The following ATP2B1 variants were observed in gnomAD, a reference collection of about 807,000 sequenced individuals.
ATP2B1 encodes ATPase plasma membrane Ca2+ transporting 1, also known as plasma membrane calcium-transporting ATPase 1.
In ATP2B1, 14 loss-of-function variants were observed where a neutral mutation model predicts 124.2. That is an observed-to-expected ratio of 0.11 (90% CI 0.07 to 0.18). ATP2B1 has a LOEUF of 0.18. Ranked by LOEUF, ATP2B1 falls within the 10% of genes least tolerant of loss-of-function variation. The pLI is 1.00. For synonymous variants in ATP2B1, 449 were observed against 492.4 expected (o/e 0.91, Z 1.17); for missense variants, 763 against 1,466.1 (o/e 0.52, Z 7.83).
intron 12 of ATP2B1, chr12:89,611,813 T>A (rs532276926): frequency 6.5e-6 from 1 of 153,370 alleles, no homozygotes; most frequent in South Asian, 2.1e-4. Context: ...CCTATTCCCA[T>A]ACCTTCAATT....
chr12:89,690,450 T>C (rs1890437569), intron 1 of ATP2B1, among the ~76,000 whole-genome samples: 1 of 151,968 alleles, frequency 6.6e-6, no homozygotes, highest in African/African-American at 2.4e-5. Context: ...CAAATACTGT[T>C]GTTTATCAGA....
chr12:89,636,598 A>C (rs918084041), intron 3 of ATP2B1, among the ~76,000 whole-genome samples: 5 of 152,208 alleles, frequency 3.3e-5, no homozygotes, highest in Non-Finnish European at 7.3e-5. Context: ...ACTAGAAATG[A>C]CTAAAGCGTG....
chr12:89,691,994 T>C (rs1890607409), intron 1 of ATP2B1, among the ~76,000 whole-genome samples: 1 of 152,096 alleles, frequency 6.6e-6, no homozygotes, highest in South Asian at 2.1e-4. Context: ...GTGTTTCCTT[T>C]TCATGCATTA....
chr12:89,707,131 T>C (rs1438490996), intron 1 of ATP2B1, among the ~76,000 whole-genome samples: 1 of 152,028 alleles, frequency 6.6e-6, no homozygotes, highest in African/African-American at 2.4e-5. Flanking sequence ...AAGCAGATTC[T>C]CCTCCAATCC....
chr12:89,701,097 A>C (rs1185087609), intron 1 of ATP2B1, among the ~76,000 whole-genome samples: 1 of 152,210 alleles, frequency 6.6e-6, no homozygotes, highest in Non-Finnish European at 1.5e-5. Context: ...AGAATAATCC[A>C]TTGCTATACT....
chr12:89,672,193 G>A (rs1038033315), intron 1 of ATP2B1, among the ~76,000 whole-genome samples: 1 of 152,126 alleles, frequency 6.6e-6, no homozygotes, highest in Non-Finnish European at 1.5e-5. Flanking sequence ...AGTGGCTCAC[G>A]CCTGTAATCC....
chr12:89,599,423 G>A, intron 19 of ATP2B1, 124 bp from the exon 20 acceptor site: 1 of 984,188 alleles, frequency 1.0e-6, no homozygotes, highest in Non-Finnish European at 1.5e-6. Context: ...TGAAGTAATG[G>A]GATCCTGTTG....
rs149980185 is a variant in ATP2B1, at chr12:89,685,384, T to TG, written c.-222+23211dup. 5.0e-4 allele frequency among the ~76,000 whole-genome samples: 76 copies of TG among 152,304 alleles called. 1 individual carries two copies. The East Asian group carries it at 0.014, about 28-fold the overall frequency. On this transcript the variant is annotated intron_variant, in intron 1 of 20. Coordinates refer to ENST00000428670, the MANE Select transcript of ATP2B1 (RefSeq NM_001366521.1). ...CTTCTATTTCCCACTGCAATCCCTC[T>TG]GGTCACTATCCTCCCTCCCCCATCC...
chr12:89,604,044 C>G, intron 16 of ATP2B1, 111 bp downstream of exon 16: 7 of 1,398,506 alleles, frequency 5.0e-6, no homozygotes, highest in Non-Finnish European at 6.8e-6. Flanking sequence ...TTTATATTAA[C>G]TAACCTAAAA....
Position 89,590,826 on chromosome 12 carries a change from T to C in ATP2B1, c.*158A>G. ...CCTCAGTCTGGCAGAAAGCTTTGCTTTTTTTTTTTTAAAAAAATAAATCTA... is the reference window on the plus strand; with the variant it reads ...CCTCAGTCTGGCAGAAAGCTTTGCTCTTTTTTTTTTAAAAAAATAAATCTA... On this transcript the variant is annotated 3_prime_UTR_variant, in exon 21 of 21. Transcript: ENST00000428670. 2 of 824,542 alleles carry C rather than the reference T, an allele frequency of 2.4e-6. No individual in the cohort carries two copies. The highest frequency in any genetic ancestry group is 6.1e-5 in the Admixed American group (2 of 32,710). The allele number at this position is 824,542 out of a possible 1,614,324, so 51.1% of individuals were successfully genotyped here. A position where few individuals can be genotyped will look rare whatever the true frequency, so the allele number is the denominator to read the frequency against.
In ATP2B1 at chr12:89,620,023, C is replaced by A; in HGVS notation, c.1805G>T (p.Gly602Val). The A allele has an allele frequency of 6.2e-7, 1 of 1,613,998 alleles. No homozygotes were observed. Among genetic ancestry groups the A allele is most frequent in the Non-Finnish European group, 8.5e-7 (1 of 1,179,940 alleles). The change falls in exon 11 of 21, where the codon GGT becomes GTT. Residue 602 changes from glycine to valine, a missense_variant. Physicochemically the swap from Gly to Val is moderately radical, Grantham distance 109. Coordinates refer to ENST00000428670, the MANE Select transcript of ATP2B1 (RefSeq NM_001366521.1). ...CTTTTTCAGAATTATCTCAGATGCA[C>A]CCTTGCTGAATATTCGATAACTTCC... The part of the protein sequence containing the change: ...SDGSYRIFSK[G>V]ASEIILKKCF...
At chr12:89,616,316 G>A (rs930597669) in intron 12 of ATP2B1, among the ~76,000 whole-genome samples, 2 of 152,114 alleles carry the variant, frequency 1.3e-5, no homozygotes, top group Admixed American at 1.3e-4. Context: ...ACAACTACTA[G>A]CAAGATATTT....
At chr12:89,669,128 T>G (rs981626944) in intron 1 of ATP2B1, among the ~76,000 whole-genome samples, 2 of 152,114 alleles carry the variant, frequency 1.3e-5, no homozygotes, top group East Asian at 3.8e-4. Flanking sequence ...TGCATTTTCT[T>G]GTGTACATTT....
intron 1 of ATP2B1, among the ~76,000 whole-genome samples, chr12:89,701,622 C>T (rs1891861980): frequency 6.6e-6 from 1 of 152,240 alleles, no homozygotes; most frequent in Non-Finnish European, 1.5e-5. Context: ...AAGATAGCTA[C>T]ATACATTTCA....
intron 2 of ATP2B1, among the ~76,000 whole-genome samples, chr12:89,645,347 G>A (rs774631495): frequency 1.3e-5 from 2 of 152,166 alleles, no homozygotes; most frequent in African/African-American, 4.8e-5. Context: ...ACAATAGTCT[G>A]TTTCCCAATA....
intron 20 of ATP2B1, chr12:89,598,816 C>T: frequency 6.4e-7 from 1 of 1,557,190 alleles, no homozygotes; most frequent in Non-Finnish European, 8.8e-7. Flanking sequence ...ACCATTCCAT[C>T]TATCAACATA....
chr12:89,601,545 G>A, intron 18 of ATP2B1, 112 bp from the exon 19 acceptor site: 1 of 594,502 alleles, frequency 1.7e-6, no homozygotes, highest in East Asian at 3.2e-5. Flanking sequence ...CCACTATTCT[G>A]ATGAATTGTA....
chr12:89,676,668 A>C (rs1888647257), intron 1 of ATP2B1, among the ~76,000 whole-genome samples: 1 of 152,118 alleles, frequency 6.6e-6, no homozygotes, highest in Non-Finnish European at 1.5e-5. Flanking sequence ...TAGTATGCAA[A>C]GTTTGGGGAA....
chr12:89,605,491 T>C (rs1876668580), intron 15 of ATP2B1, among the ~76,000 whole-genome samples: 6 of 152,140 alleles, frequency 3.9e-5, no homozygotes, highest in Admixed American at 3.9e-4. Context: ...CCTTCTCCCA[T>C]GACATGACAC....
Sources: allele counts gnomAD v4.1 joint callset (sites outside exome capture counted in the v4.1 genomes callset), GRCh38; gene constraint gnomAD v4.1.1; transcripts MANE v1.5; gene names NCBI Gene and HGNC (gene_info 2026-07-23, HGNC 2026-07-21).